The following CARM1 variants were observed in gnomAD, a reference collection of about 807,000 sequenced individuals.
The protein encoded by CARM1 is coactivator associated arginine methyltransferase 1, also known as histone-arginine methyltransferase CARM1.
CARM1 carries 14 observed loss-of-function variants against 72.7 expected under a neutral mutation model. The ratio of observed to expected loss-of-function variants is 0.19; its 90% CI spans 0.13 to 0.30. The LOEUF (loss-of-function observed/expected upper bound fraction) is 0.30. CARM1 is among the 10% of genes least tolerant of loss of function. The pLI, the probability that CARM1 is intolerant of heterozygous loss-of-function variation, is 1.00. For synonymous variants in CARM1, 333 were observed against 345.5 expected (o/e 0.96, Z 0.40); for missense variants, 432 against 833.7 (o/e 0.52, Z 5.93).
intron 4 of CARM1, among the ~76,000 whole-genome samples, chr19:10,909,429 C>T (rs2074129258): frequency 6.8e-6 from 1 of 146,048 alleles, no homozygotes; most frequent in Non-Finnish European, 1.5e-5. Context: ...AGACTCTTGT[C>T]TCTTAAAAAA....
intron 1 of CARM1, among the ~76,000 whole-genome samples, chr19:10,881,693 T>C (rs1004138565): frequency 2.0e-5 from 3 of 151,542 alleles, no homozygotes; most frequent in Admixed American, 2.0e-4. Flanking sequence ...GGGGGGACGG[T>C]GACCTTTCCC....
chr19:10,886,218 G>T (rs1048193257), intron 1 of CARM1, among the ~76,000 whole-genome samples: 1 of 151,834 alleles, frequency 6.6e-6, no homozygotes, highest in Non-Finnish European at 1.5e-5. Flanking sequence ...CACCACGCCC[G>T]GCTAATTGTG....
Position 10,916,492 on chromosome 19 carries a change from C to G in CARM1, c.933C>G (p.Asn311Lys). 1 of 1,611,222 alleles carries G rather than the reference C, an allele frequency of 6.2e-7. No individual in the cohort carries two copies. Among genetic ancestry groups the G allele is most frequent in the Non-Finnish European group, 8.5e-7 (1 of 1,177,484 alleles). ...ACATGGAGCAGTTCACCAAGGCCAA[C>G]TTCTGGTGAGTGTGCCCTGGGTGTC... ...QLYMEQFTKA[N>K]FWYQPSFHGV... The change falls in exon 7 of 16, where the codon AAC becomes AAG. Residue 311 changes from asparagine to lysine, a missense_variant. By Grantham distance (94) the Asn-to-Lys change is moderately conservative (BLOSUM62 0). Transcript: ENST00000327064. The surrounding 1 kb of genome is among the most constrained non-coding windows in gnomAD (Gnocchi z 4.4).
chr19:10,900,341 G>A (rs1198578129), intron 1 of CARM1, among the ~76,000 whole-genome samples: 1 of 152,080 alleles, frequency 6.6e-6, no homozygotes, highest in African/African-American at 2.4e-5. Context: ...ACCCCAAAAG[G>A]AGACCCCACA....
chr19:10,874,722 T>TA (rs1257956851), intron 1 of CARM1, among the ~76,000 whole-genome samples: 4 of 152,090 alleles, frequency 2.6e-5, no homozygotes, highest in African/African-American at 4.8e-5. Flanking sequence ...GATATGGAGA[T>TA]AAAAAACATG....
chr19:10,889,481 ATTTT>A (rs35291257), intron 1 of CARM1, among the ~76,000 whole-genome samples: 1 of 129,448 alleles, frequency 7.7e-6, no homozygotes, highest in African/African-American at 2.9e-5. Flanking sequence ...TGCCCGGCTA[ATTTT>A]TTTTTTTTTT....
intron 1 of CARM1, among the ~76,000 whole-genome samples, chr19:10,888,129 A>AG (rs1473573114): frequency 6.6e-6 from 1 of 152,174 alleles, no homozygotes; most frequent in African/African-American, 2.4e-5. Context: ...GTCCCCATAG[A>AG]GAGCTGCAGC....
At chr19:10,906,068 G>A (rs2074101534) in intron 2 of CARM1, among the ~76,000 whole-genome samples, 1 of 147,142 alleles carries the variant, frequency 6.8e-6, no homozygotes, top group African/African-American at 2.5e-5. Context: ...TTATGCCTCA[G>A]CCTCCCGCGT....
chr19:10,872,289 G>A (rs2073824910), intron 1 of CARM1, among the ~76,000 whole-genome samples: 2 of 151,742 alleles, frequency 1.3e-5, no homozygotes, highest in African/African-American at 2.4e-5. Context: ...TCCGGGGTGC[G>A]GGAGAGGTGG....
chr19:10,898,776 A>G (rs539227150), intron 1 of CARM1, among the ~76,000 whole-genome samples: 14 of 152,194 alleles, frequency 9.2e-5, no homozygotes, highest in Non-Finnish European at 1.9e-4. Context: ...CAGGCTGTGC[A>G]TTCCCTGCCT....
In CARM1 at chr19:10,912,815, G is replaced by A. The variant is rs867578477; in HGVS notation, c.669+521G>A. On this transcript the variant is annotated intron_variant, in intron 5 of 15. Transcript: ENST00000327064. This position sits in a 1 kb window ranked among gnomAD's most constrained non-coding sequence, Gnocchi z 4.5. ...CCGCAGAGCACCCCTGTGCCCAGCC[G>A]TGCCGCTGTTGCTTTAGCTGCATTG... Among the ~76,000 whole-genome samples the A allele has an allele frequency of 1.3e-5, 2 of 152,148 alleles. No individual in the cohort carries two copies. Among genetic ancestry groups the A allele is most frequent in the African/African-American group, 2.4e-5 (1 of 41,446 alleles).
intron 1 of CARM1, among the ~76,000 whole-genome samples, chr19:10,891,132 G>C (rs1022574729): frequency 6.9e-6 from 1 of 144,972 alleles, no homozygotes; most frequent in Non-Finnish European, 1.5e-5. Flanking sequence ...TCCTTCTCTC[G>C]ACCCTTTGCC....
chr19:10,899,660 T>A (rs1013068427), intron 1 of CARM1, among the ~76,000 whole-genome samples: 25 of 151,690 alleles, frequency 1.6e-4, no homozygotes, highest in Non-Finnish European at 3.2e-4. Context: ...GCCCTTCAGG[T>A]CTCATATCTG....
intron 1 of CARM1, among the ~76,000 whole-genome samples, chr19:10,877,792 A>G (rs1340532578): frequency 6.6e-6 from 1 of 150,838 alleles, no homozygotes; most frequent in Non-Finnish European, 1.5e-5. Flanking sequence ...CAGTGGCGCA[A>G]TCTCGGCTCA....
chr19:10,879,718 A>C (rs1399827719), intron 1 of CARM1, among the ~76,000 whole-genome samples: 1 of 152,136 alleles, frequency 6.6e-6, no homozygotes. Context: ...GGTTCAAGTC[A>C]TTCTCCTGCA....
chr19:10,895,729 G>A lies in CARM1; in HGVS notation c.221-9222G>A, dbSNP rs559759643. ...TATCCCGGGGAGGGCATTCTGGTCA[G>A]TACCCATGAGTGCCCCTTGTGTGCT... On this transcript the variant is annotated intron_variant, in intron 1 of 15. Coordinates refer to ENST00000327064, the MANE Select transcript of CARM1 (RefSeq NM_199141.2). Among the ~76,000 whole-genome samples the A allele has an allele frequency of 6.6e-5, 10 of 152,336 alleles. No homozygotes were observed. The South Asian group carries it at 2.1e-3, about 32-fold the overall frequency.
intron 2 of CARM1, among the ~76,000 whole-genome samples, chr19:10,905,857 T>C (rs2074098593): frequency 6.6e-6 from 1 of 151,766 alleles, no homozygotes; most frequent in African/African-American, 2.4e-5. Context: ...CCCAGGCTGG[T>C]CTTGAACTCC....
chr19:10,890,690 CACAT>C (rs1383776102), intron 1 of CARM1, among the ~76,000 whole-genome samples: 5 of 145,272 alleles, frequency 3.4e-5, no homozygotes, highest in Non-Finnish European at 6.0e-5. Flanking sequence ...CATATATACA[CACAT>C]ATATACACAC....
chr19:10,878,361 G>A (rs888943960), intron 1 of CARM1, among the ~76,000 whole-genome samples: 1 of 152,182 alleles, frequency 6.6e-6, no homozygotes, highest in Non-Finnish European at 1.5e-5. Flanking sequence ...GGGGTCTGTG[G>A]GGAGTTTGGC....
Sources: allele counts gnomAD v4.1 joint callset (sites outside exome capture counted in the v4.1 genomes callset), GRCh38; gene constraint gnomAD v4.1.1; non-coding constraint Gnocchi (gnomAD v3.1); transcripts MANE v1.5; gene names NCBI Gene and HGNC (gene_info 2026-07-23, HGNC 2026-07-21).